The following CBLL1 variants were observed in gnomAD, a reference collection of about 807,000 sequenced individuals.
CBLL1 encodes Cbl proto-oncogene like 1.
In CBLL1, 4 loss-of-function variants were observed where a neutral mutation model predicts 44.9. The observed-to-expected ratio is 0.09, with a 90% CI of 0.04 to 0.20. The LOEUF (loss-of-function observed/expected upper bound fraction) is 0.20. Among genes scored for constraint, CBLL1 ranks in the 10% least tolerant of loss-of-function variants. The probability of loss-of-function intolerance (pLI) is 1.00; values close to 1 mark genes in which losing one functional copy is unlikely to be tolerated. For synonymous variants in CBLL1, 235 were observed against 202.2 expected, an observed-to-expected ratio of 1.16 and a Z score of -1.38; for missense variants, 569 against 636.7, an observed-to-expected ratio of 0.89 and a Z score of 1.14.
rs1490100735 is a variant in CBLL1 at position 107,761,443 on chromosome 7, A to G, written c.*2265A>G. 6.6e-6 allele frequency: 1 copy of G among 152,160 alleles called. No individual in the cohort carries two copies. The highest frequency in any genetic ancestry group is 2.4e-5 in the African/African-American group (1 of 41,450). The allele number at this position is 152,160 out of a possible 1,614,324, so 9.4% of individuals were successfully genotyped here. A position where few individuals can be genotyped will look rare whatever the true frequency, so the allele number is the denominator to read the frequency against. On this transcript the variant is annotated 3_prime_UTR_variant, in exon 6 of 6. Transcript: ENST00000440859. The stretch of plus-strand genomic sequence containing the variant: ...AATCGTGTTAGACTTGAATTCATCA[A>G]TTGTTTGAATGAGGGTGGGTGGGTA...
In CBLL1 at chr7:107,759,787, A is replaced by T. The variant is rs144031157; in HGVS notation, c.*609A>T. ...GGTTTCGAGGTATAGTAAGTATACA[A>T]TGCACTTCACTTGGATGCCTTTTCA... is the stretch of plus-strand genomic sequence containing the variant. On this transcript the variant is annotated 3_prime_UTR_variant, in exon 6 of 6. Coordinates refer to ENST00000440859, the MANE Select transcript of CBLL1 (RefSeq NM_024814.4). 1 of 152,462 alleles carries T rather than the reference A, an allele frequency of 6.6e-6. No individual in the cohort carries two copies. Among genetic ancestry groups the T allele is most frequent in the East Asian group, 1.9e-4 (1 of 5,326 alleles). 9.4% of individuals were successfully genotyped at this position (152,462 alleles called of 1,614,324 possible).
At chr7:107,748,788 A>G (rs573839610) in intron 1 of CBLL1, 92 bp from the exon 2 acceptor site, 1 of 1,036,270 alleles carries the variant, frequency 9.6e-7, no homozygotes, top group Non-Finnish European at 1.4e-6. Flanking sequence ...TTTAACCTTG[A>G]TAATGTTAGG....
chr7:107,752,108 A>G (rs984066910), intron 2 of CBLL1, among the ~76,000 whole-genome samples: 2 of 151,212 alleles, frequency 1.3e-5, no homozygotes, highest in Admixed American at 1.3e-4. Context: ...CCGAGGCAGG[A>G]GAATGGCATG....
At position 107,757,819 on chromosome 7, in the gene CBLL1, G is replaced by T. The variant is rs570811213; in HGVS notation, c.441-324G>T. On this transcript the variant is annotated intron_variant, in intron 5 of 5. Transcript: ENST00000440859. ...TACCCGTTGGTTTTTTTCTTGCTGG[G>T]TTTTTTGGCAAATGGATGCAGAAGG... Among the ~76,000 whole-genome samples, 6 of 152,186 alleles carry T rather than the reference G, an allele frequency of 3.9e-5. No homozygotes were observed. The South Asian group carries it at 1.0e-3, about 26-fold the overall frequency.
In CBLL1 at chr7:107,758,293, T is replaced by G; in HGVS notation, c.591T>G (p.Val197=). ...GCCATATGAGAGCTGGAAAACCTGT[T>G]ACCCGTGCTTCACTTGAAAATGTTC... ...NHRHMRAGKP[V]TRASLENVHP... The change falls in exon 6 of 6, where the codon GTT becomes GTG. Residue 197 remains valine (V), a synonymous_variant. Transcript: ENST00000440859. This position sits in a 1 kb window ranked among gnomAD's most constrained non-coding sequence, Gnocchi z 4.2. 6.2e-7 allele frequency: 1 copy of G among 1,614,130 alleles called. No homozygotes were observed. The highest frequency in any genetic ancestry group is 8.5e-7 in the Non-Finnish European group (1 of 1,180,028).
At chr7:107,755,706 ATC>A (rs917029015) in intron 5 of CBLL1, 33 of 313,272 alleles carry the variant, frequency 1.1e-4, no homozygotes, top group Non-Finnish European at 1.8e-4. Context: ...TCAAAATGAA[ATC>A]TGTTTGCCAT....
intron 2 of CBLL1, among the ~76,000 whole-genome samples, chr7:107,749,837 C>A (rs536169577): frequency 6.6e-5 from 10 of 151,920 alleles, no homozygotes; most frequent in African/African-American, 2.4e-4. Context: ...TATATTTTTT[C>A]ATAGCATTGA....
At chr7:107,749,367 T>C (rs1793166402) in intron 2 of CBLL1, 1 of 170,038 alleles carries the variant, frequency 5.9e-6, no homozygotes, top group Non-Finnish European at 1.2e-5. Flanking sequence ...AAAGTATTAA[T>C]TTTTTATGTG....
chr7:107,753,410 G>A lies in CBLL1; in HGVS notation c.182-1G>A. ...AATGGGCAATACTTTTTTTTTCTCA[G>A]AAGGATTTGATTATAATGAAGAAGA... On this transcript the variant is annotated splice_acceptor_variant, in intron 2 of 5. Transcript: ENST00000440859. LOFTEE classifies it high-confidence loss of function. 1 of 1,558,550 alleles carries A rather than the reference G, an allele frequency of 6.4e-7. No individual in the cohort carries two copies. Among genetic ancestry groups the A allele is most frequent in the Non-Finnish European group, 8.6e-7 (1 of 1,157,604 alleles).
chr7:107,758,616 C>T lies in CBLL1; in HGVS notation c.914C>T (p.Ala305Val). The T allele has an allele frequency of 1.2e-6, 2 of 1,614,028 alleles. No homozygotes were observed. The highest frequency in any genetic ancestry group is 1.7e-6 in the Non-Finnish European group (2 of 1,179,982). The change falls in exon 6 of 6, where the codon GCT (alanine) becomes GTT (valine). Residue 305 changes from alanine to valine, a missense_variant. Physicochemically the swap from Ala to Val is moderately conservative, Grantham distance 64. Coordinates refer to ENST00000440859, the MANE Select transcript of CBLL1 (RefSeq NM_024814.4). This position sits in a 1 kb window ranked among gnomAD's most constrained non-coding sequence, Gnocchi z 4.2. ...VPIQDDSNSG[A>V]REPPPPAPAP... is the part of the protein sequence containing the mutation. Reference sequence around the variant, plus strand: ...ATTCAGGATGACTCAAATTCAGGTGCTAGAGAACCACCACCTCCTGCCCCA... The same window carrying T: ...ATTCAGGATGACTCAAATTCAGGTGTTAGAGAACCACCACCTCCTGCCCCA...
rs867575045 is a variant in CBLL1, at chr7:107,760,714, T to G, written c.*1536T>G. 6.6e-6 allele frequency: 1 copy of G among 152,318 alleles called. No homozygotes were observed. The allele number at this position is 152,318 out of a possible 1,614,324, so 9.4% of individuals were successfully genotyped here. A position where few individuals can be genotyped will look rare whatever the true frequency, so the allele number is the denominator to read the frequency against. On this transcript the variant is annotated 3_prime_UTR_variant, in exon 6 of 6. Transcript: ENST00000440859. The stretch of plus-strand genomic sequence containing the variant: ...ATTAGATAGTTTGTAGTGTATACAT[T>G]TAGAACATACTTCTTTTGACAAAGG...
intron 1 of CBLL1, among the ~76,000 whole-genome samples, chr7:107,747,952 G>A (rs1179429820): frequency 2.0e-5 from 3 of 151,958 alleles, no homozygotes; most frequent in Admixed American, 6.6e-5. Flanking sequence ...TAAAAAATAC[G>A]TTATTTGTAT....
rs753429335 is a variant in CBLL1, at chr7:107,758,584, C to T, written c.882C>T (p.Thr294=). 1.9e-5 allele frequency: 31 copies of T among 1,613,820 alleles called. No individual in the cohort carries two copies. Among genetic ancestry groups the T allele is most frequent in the South Asian group, 1.6e-4 (15 of 91,068 alleles). ...CAAGAAAACACAGCAATTTAATAAC[C>T]GTCCCTATTCAGGATGACTCAAATT... The part of the protein sequence containing the change: ...ISTRKHSNLI[T]VPIQDDSNSG... Residue 294 remains threonine (T), a synonymous_variant, in exon 6 of 6, where the codon ACC becomes ACT. Transcript: ENST00000440859. This position sits in a 1 kb window ranked among gnomAD's most constrained non-coding sequence, Gnocchi z 4.2.
At chr7:107,755,608 A>G (rs1017430847) in intron 5 of CBLL1, 117 bp downstream of exon 5, 9 of 499,312 alleles carry the variant, frequency 1.8e-5, no homozygotes, top group South Asian at 5.4e-5. Flanking sequence ...ACATACAGAC[A>G]TGGCTAATCT....
intron 2 of CBLL1, chr7:107,752,446 C>G (rs201631840): frequency 0.022 from 8,823 of 400,764 alleles, 111 homozygotes; most frequent in Non-Finnish European, 0.03. Context: ...ATGTGTCTCT[C>G]TGTGTGTGTG....
chr7:107,751,697 T>G (rs2115647278), intron 2 of CBLL1, among the ~76,000 whole-genome samples: 1 of 152,304 alleles, frequency 6.6e-6, no homozygotes, highest in South Asian at 2.1e-4. Context: ...TCTTTAATAG[T>G]TCAAACAATG....
chr7:107,754,149 C>G, intron 4 of CBLL1, 171 bp downstream of exon 4: 1 of 378,652 alleles, frequency 2.6e-6, no homozygotes, highest in African/African-American at 2.1e-5. Context: ...ATTATCTTGA[C>G]AAATTGTTGA....
intron 1 of CBLL1, among the ~76,000 whole-genome samples, chr7:107,745,806 C>T (rs7782475): frequency 0.31 from 47,524 of 151,906 alleles, 7,673 homozygotes; most frequent in South Asian, 0.45. Context: ...CATTATTGAG[C>T]TGAGGAAAAC....
In CBLL1 at chr7:107,758,915, G is replaced by A; in HGVS notation, c.1213G>A (p.Gly405Arg). The stretch of plus-strand genomic sequence containing the variant: ...ACCTTATATGAATCATCCTCCTCCA[G>A]GACCTCCCCCACCTCAACATGGTGG... ...MPPYMNHPPP[G>R]PPPPQHGGPP... is the part of the protein sequence containing the mutation. The change falls in exon 6 of 6, where the codon GGA (glycine) becomes AGA (arginine). Residue 405 changes from glycine to arginine, a missense_variant. Around this residue, in one of 5 missense-constraint regions of CBLL1, gnomAD observed 228 missense variants for 253.2 expected, o/e 0.90. Transcript: ENST00000440859. The surrounding 1 kb of genome is among the most constrained non-coding windows in gnomAD (Gnocchi z 4.2). The A allele has an allele frequency of 6.2e-7, 1 of 1,613,702 alleles. No individual in the cohort carries two copies. Among genetic ancestry groups the A allele is most frequent in the East Asian group, 2.2e-5 (1 of 44,880 alleles).
Sources: allele counts gnomAD v4.1 joint callset (sites outside exome capture counted in the v4.1 genomes callset), GRCh38; gene constraint gnomAD v4.1.1; regional missense constraint gnomAD v4.1.1; non-coding constraint Gnocchi (gnomAD v3.1); transcripts MANE v1.5; gene names NCBI Gene and HGNC (gene_info 2026-07-23, HGNC 2026-07-21).